Variants in TOX observed in about 807,000 individuals in gnomAD.
TOX encodes thymocyte selection-associated high mobility group box protein TOX.
In TOX, 11 loss-of-function variants were observed where a neutral mutation model predicts 53.7. The observed-to-expected ratio is 0.20, with a 90% confidence interval of 0.13 to 0.34. The LOEUF (loss-of-function observed/expected upper bound fraction) is 0.34, where lower values mean the gene tolerates loss of function less well. Among genes scored for constraint, TOX ranks in the 10% least tolerant of loss-of-function variants. The pLI, the probability that TOX is intolerant of heterozygous loss-of-function variation, is 1.00. For missense variants in TOX, 570 were observed against 664.6 expected (o/e 0.86, Z 1.56); for synonymous variants, 225 against 245.3 (o/e 0.92, Z 0.77).
chr8:58,946,815 T>G (rs1263448335), intron 2 of TOX, among the ~76,000 whole-genome samples: 2 of 152,164 alleles, frequency 1.3e-5, no homozygotes, highest in African/African-American at 4.8e-5. Context: ...TGATCTGAGA[T>G]ACAAAGAACC....
chr8:58,809,997 G>T (rs1185505780), intron 7 of TOX, among the ~76,000 whole-genome samples: 1 of 152,106 alleles, frequency 6.6e-6, no homozygotes, highest in East Asian at 1.9e-4. Flanking sequence ...TCTTTTTGTT[G>T]TTGTTAGAGA....
At chr8:59,055,264 T>C (rs1244436398) in intron 1 of TOX, among the ~76,000 whole-genome samples, 2 of 152,146 alleles carry the variant, frequency 1.3e-5, no homozygotes, top group African/African-American at 4.8e-5. Flanking sequence ...ATAGGAACCC[T>C]ACCCATGGAT....
chr8:58,950,628 T>C (rs926841352), intron 2 of TOX, among the ~76,000 whole-genome samples: 8 of 152,112 alleles, frequency 5.3e-5, no homozygotes, highest in African/African-American at 1.4e-4. Flanking sequence ...TTTCCCCCAG[T>C]TTAATGACGA....
intron 1 of TOX, among the ~76,000 whole-genome samples, chr8:59,110,083 G>T (rs546680068): frequency 6.6e-6 from 1 of 152,198 alleles, no homozygotes; most frequent in East Asian, 1.9e-4. Flanking sequence ...GCTTAATTTT[G>T]GGAGAGGAAA....
At chr8:59,106,790 C>G (rs1301009242) in intron 1 of TOX, among the ~76,000 whole-genome samples, 3 of 152,118 alleles carry the variant, frequency 2.0e-5, no homozygotes, top group Non-Finnish European at 4.4e-5. Flanking sequence ...TAAACAGTAA[C>G]AGCTTTTGTT....
chr8:58,943,124 G>A (rs2129176865), intron 2 of TOX, among the ~76,000 whole-genome samples: 1 of 152,302 alleles, frequency 6.6e-6, no homozygotes, highest in East Asian at 1.9e-4. Context: ...CCCCTGAAGT[G>A]ACTGGTACCT....
rs186882392 is a variant in TOX, at chr8:58,831,140, T to C, written c.925-4238A>G. On this transcript the variant is annotated intron_variant, in intron 5 of 8. Coordinates refer to ENST00000361421, the MANE Select transcript of TOX (RefSeq NM_014729.3). ...CTTGCTATGGATTCCTTTTGAGGAC[T>C]GTCTGACCCACGTAAATGGTCTCAG... 5.3e-5 allele frequency among the ~76,000 whole-genome samples: 8 copies of C among 152,326 alleles called. No individual in the cohort carries two copies. The East Asian group carries it at 1.5e-3, about 29-fold the overall frequency.
chr8:58,921,900 G>A (rs1812081659), intron 3 of TOX, among the ~76,000 whole-genome samples: 1 of 152,134 alleles, frequency 6.6e-6, no homozygotes, highest in Non-Finnish European at 1.5e-5. Flanking sequence ...ATCAACCACA[G>A]AGCTTTTATG....
chr8:59,105,607 T>C (rs1014962691), intron 1 of TOX, among the ~76,000 whole-genome samples: 3 of 152,168 alleles, frequency 2.0e-5, no homozygotes, highest in Admixed American at 6.5e-5. Context: ...TGAGTTGAGA[T>C]AATATATTAG....
At chr8:58,935,220 C>T (rs930053397) in intron 3 of TOX, among the ~76,000 whole-genome samples, 23 of 151,950 alleles carry the variant, frequency 1.5e-4, no homozygotes, top group Admixed American at 6.6e-4. Context: ...TCTCATAATT[C>T]ATATATAAAA....
At chr8:59,027,723 T>C (rs1814271690) in intron 1 of TOX, among the ~76,000 whole-genome samples, 1 of 152,158 alleles carries the variant, frequency 6.6e-6, no homozygotes, top group African/African-American at 2.4e-5. Flanking sequence ...GATTGGTCCA[T>C]TGCCCAGAAG....
At chr8:58,818,518 T>C (rs989315663) in intron 6 of TOX, among the ~76,000 whole-genome samples, 10 of 152,190 alleles carry the variant, frequency 6.6e-5, no homozygotes, top group African/African-American at 2.2e-4. Context: ...CAAAAGGGCA[T>C]CTTTTTTTGA....
At chr8:58,824,346 C>G (rs1176252085) in intron 6 of TOX, among the ~76,000 whole-genome samples, 3 of 152,216 alleles carry the variant, frequency 2.0e-5, no homozygotes, top group Non-Finnish European at 4.4e-5. Flanking sequence ...AGAACCCATT[C>G]TGTGGCTTCC....
At chr8:58,901,529 G>A (rs1811734724) in intron 3 of TOX, among the ~76,000 whole-genome samples, 1 of 152,074 alleles carries the variant, frequency 6.6e-6, no homozygotes, top group Admixed American at 6.6e-5. Flanking sequence ...ATGTTTCTGT[G>A]GCAGGAAACT....
At chr8:58,821,300 C>T (rs1810271670) in intron 6 of TOX, among the ~76,000 whole-genome samples, 1 of 152,016 alleles carries the variant, frequency 6.6e-6, no homozygotes, top group Non-Finnish European at 1.5e-5. Context: ...TCTTTCCCCC[C>T]TCCTTTCTAT....
At chr8:58,988,230 AT>A (rs1454333530) in intron 1 of TOX, among the ~76,000 whole-genome samples, 1 of 152,212 alleles carries the variant, frequency 6.6e-6, no homozygotes, top group Non-Finnish European at 1.5e-5. Context: ...AAAAGCACAG[AT>A]TTCGGCAGAT....
intron 1 of TOX, among the ~76,000 whole-genome samples, chr8:59,011,719 GATA>G (rs940253886): frequency 6.6e-6 from 1 of 151,944 alleles, no homozygotes; most frequent in Non-Finnish European, 1.5e-5. Flanking sequence ...TAATAGTGAT[GATA>G]ATAATAATAA....
At chr8:59,023,022 A>G (rs1814164504) in intron 1 of TOX, among the ~76,000 whole-genome samples, 1 of 152,220 alleles carries the variant, frequency 6.6e-6, no homozygotes, top group Non-Finnish European at 1.5e-5. Flanking sequence ...AACTCCTTTC[A>G]TAAACAGTCA....
intron 1 of TOX, among the ~76,000 whole-genome samples, chr8:59,112,003 G>A (rs1342363434): frequency 6.6e-6 from 1 of 152,072 alleles, no homozygotes; most frequent in Non-Finnish European, 1.5e-5. Context: ...ATTTTTTCAT[G>A]AGTAACATGG....
Sources: gnomAD v4.1 joint callset for allele counts (sites outside exome capture counted in the v4.1 genomes callset) on GRCh38, gnomAD v4.1.1 for gene constraint, MANE v1.5 for transcripts, NCBI Gene and HGNC (gene_info 2026-07-23, HGNC 2026-07-21) for gene names.